The following KIF26B variants were observed in gnomAD, a reference collection of about 807,000 sequenced individuals.
KIF26B encodes the protein kinesin family member 26B, also known as kinesin-like protein KIF26B.
A neutral mutation model predicts 151.2 loss-of-function variants in KIF26B; 63 were observed. The ratio of observed to expected loss-of-function variants is 0.42; its 90% CI spans 0.34 to 0.51. KIF26B has a LOEUF of 0.51. Among genes scored for constraint, KIF26B ranks in the 20% least tolerant of loss-of-function variants. The pLI is 0.07. For missense variants in KIF26B, 2,813 were observed against 2,913.6 expected (o/e 0.97, Z 0.79); for synonymous variants, 1,357 against 1,262.1 (o/e 1.08, Z -1.59).
intron 4 of KIF26B, among the ~76,000 whole-genome samples, chr1:245,532,298 T>C (rs529082620): frequency 9.0e-5 from 13 of 144,998 alleles, no homozygotes; most frequent in East Asian, 3.9e-4. Flanking sequence ...CAGGCTGGAG[T>C]GCAGTGGCGC....
At chr1:245,256,882 C>G (rs1670546732) in intron 2 of KIF26B, among the ~76,000 whole-genome samples, 1 of 152,158 alleles carries the variant, frequency 6.6e-6, no homozygotes, top group African/African-American at 2.4e-5. Context: ...TTGAAATGTC[C>G]CTGCAAAGCT....
At position 245,555,149 on chromosome 1, in the gene KIF26B, AG is replaced by A. The variant is rs368302529; in HGVS notation, c.1350+14201del. On this transcript the variant is annotated intron_variant, in intron 5 of 14. Transcript: ENST00000407071. ...TCTTTGAGAATGCCCCTGTTAAGAT[AG>A]GTGAGAAGCACCAGGGGTAGGCGAG... Among the ~76,000 whole-genome samples the A allele has an allele frequency of 9.9e-3, 1,502 of 152,278 alleles. 9 individuals carry two copies. The highest frequency in any genetic ancestry group is 0.013 in the Non-Finnish European group (885 of 68,024).
At chr1:245,297,080 C>T (rs1185765062) in intron 2 of KIF26B, among the ~76,000 whole-genome samples, 2 of 130,446 alleles carry the variant, frequency 1.5e-5, no homozygotes, top group Non-Finnish European at 3.2e-5. Flanking sequence ...TGGTGGCTCA[C>T]GCCTGTAATC....
Position 245,415,833 on chromosome 1 carries a change from T to C in KIF26B, c.1000-3746T>C, listed in dbSNP as rs1213110777. On this transcript the variant is annotated intron_variant, in intron 3 of 14. Transcript: ENST00000407071. ...TGACATATACCAAGCACCCAACACA[T>C]GGTTGTTCATACGAATGAATGAACA... 2.0e-5 allele frequency among the ~76,000 whole-genome samples: 3 copies of C among 149,856 alleles called. No individual in the cohort carries two copies. The Admixed American group carries it at 2.0e-4, about 10-fold the overall frequency.
Position 245,512,416 on chromosome 1 carries a change from A to G in KIF26B, c.1167-28351A>G, listed in dbSNP as rs74597638. Among the ~76,000 whole-genome samples, 221 of 152,312 alleles carry G rather than the reference A, an allele frequency of 1.5e-3. 1 individual carries two copies. The East Asian group carries it at 0.031, about 21-fold the overall frequency. On this transcript the variant is annotated intron_variant, in intron 4 of 14. Coordinates refer to ENST00000407071, the MANE Select transcript of KIF26B (RefSeq NM_018012.4). This position sits in a 1 kb window ranked among gnomAD's most constrained non-coding sequence, Gnocchi z 4.3. ...TGTGAAGCAACATGCAGGGCTGCCA[A>G]TTTTGGAAATGAATGAGCTTAGTTG...
chr1:245,220,169 A>G (rs769032264), intron 2 of KIF26B, among the ~76,000 whole-genome samples: 9 of 152,172 alleles, frequency 5.9e-5, no homozygotes, highest in Non-Finnish European at 1.3e-4. Context: ...GGAACAGAAA[A>G]TCAGAGGAAC....
intron 2 of KIF26B, among the ~76,000 whole-genome samples, chr1:245,360,121 C>T (rs59025886): frequency 0.052 from 7,873 of 151,978 alleles, 507 homozygotes; most frequent in East Asian, 0.24. Flanking sequence ...GATCCACCCA[C>T]CTTGACCTCC....
intron 2 of KIF26B, among the ~76,000 whole-genome samples, chr1:245,294,481 G>A (rs1328239168): frequency 6.6e-6 from 1 of 152,118 alleles, no homozygotes; most frequent in Non-Finnish European, 1.5e-5. Flanking sequence ...GTCTTCCTAA[G>A]GAGTCAAAGT....
chr1:245,192,074 A>G (rs1363415123), intron 2 of KIF26B, among the ~76,000 whole-genome samples: 1 of 152,218 alleles, frequency 6.6e-6, no homozygotes, highest in Non-Finnish European at 1.5e-5. Context: ...AACTACCAGG[A>G]TTAATGCACA....
intron 2 of KIF26B, among the ~76,000 whole-genome samples, chr1:245,177,969 C>T (rs1668839634): frequency 6.6e-6 from 1 of 152,106 alleles, no homozygotes; most frequent in Non-Finnish European, 1.5e-5. Flanking sequence ...TGGGGTTAGC[C>T]TCCACGTAGG....
Position 245,167,512 on chromosome 1 carries a change from G to A in KIF26B, c.465+10829G>A, listed in dbSNP as rs1297725617. On this transcript the variant is annotated intron_variant, in intron 2 of 14. Transcript: ENST00000407071. The surrounding 1 kb of genome is among the most constrained non-coding windows in gnomAD (Gnocchi z 4.2). ...CCAACCCTTCCTCCACCTAACTGGT[G>A]GCTTCACACAAGAATGGGAGACTCA... is the stretch of plus-strand genomic sequence containing the variant. Among the ~76,000 whole-genome samples the A allele has an allele frequency of 6.6e-6, 1 of 152,166 alleles. No homozygotes were observed. The highest frequency in any genetic ancestry group is 2.4e-5 in the African/African-American group (1 of 41,422).
In KIF26B at chr1:245,698,994, C is replaced by T; in HGVS notation, c.6135C>T (p.Thr2045=). The T allele has an allele frequency of 6.2e-7, 1 of 1,614,012 alleles. No homozygotes were observed. The highest frequency in any genetic ancestry group is 8.5e-7 in the Non-Finnish European group (1 of 1,179,884). Residue 2045 remains threonine, a synonymous_variant, in exon 14 of 15, where the codon ACC becomes ACT. Coordinates refer to ENST00000407071, the MANE Select transcript of KIF26B (RefSeq NM_018012.4). This position sits in a 1 kb window ranked among gnomAD's most constrained non-coding sequence, Gnocchi z 4.0. ...YEWLMKELEA[T]KQYLMLDPNK... ...GGCTGATGAAGGAGCTGGAGGCGAC[C>T]AAACAGTATCTGATGCTGGATCCCA...
In KIF26B at chr1:245,688,657, A is replaced by T; in HGVS notation, c.5674A>T (p.Ser1892Cys). 1 of 1,603,792 alleles carries T rather than the reference A, an allele frequency of 6.2e-7. No homozygotes were observed. The highest frequency in any genetic ancestry group is 8.5e-7 in the Non-Finnish European group (1 of 1,176,614). ...GGGGAAGACGGCCCTGTTCTACCACAGCGGCGGCAGCAGCGGCTACGAGAG... is the reference window on the plus strand; with the variant it reads ...GGGGAAGACGGCCCTGTTCTACCACTGCGGCGGCAGCAGCGGCTACGAGAG... ...AMGKTALFYH[S>C]GGSSGYESVM... Residue 1892 changes from serine (S) to cysteine (C), a missense_variant, in exon 12 of 15, where the codon AGC becomes TGC. Physicochemically the swap from Ser to Cys is moderately radical, Grantham distance 112. Coordinates refer to ENST00000407071, the MANE Select transcript of KIF26B (RefSeq NM_018012.4).
intron 2 of KIF26B, among the ~76,000 whole-genome samples, chr1:245,181,165 C>A (rs1668899998): frequency 6.6e-6 from 1 of 152,058 alleles, no homozygotes; most frequent in South Asian, 2.1e-4. Flanking sequence ...CCCTTGAAAT[C>A]ACTTTTGTGC....
Position 245,685,935 on chromosome 1 carries a change from C to T in KIF26B, c.2952C>T (p.Ser984=), listed in dbSNP as rs750145452. 81 of 1,611,270 alleles carry T rather than the reference C, an allele frequency of 5.0e-5. No individual in the cohort carries two copies. The East Asian group carries it at 1.1e-3, about 21-fold the overall frequency. ...AGTCTGATAAGGAAGATAATGGGTC[C>T]GAAGGTCAGCTGACCAACAGAGAAG... ...LSESDKEDNG[S]EGQLTNREGP... is the part of the protein sequence containing the mutation. The change falls in exon 12 of 15, where the codon TCC becomes TCT. Residue 984 remains serine, a synonymous_variant. Transcript: ENST00000407071.
intron 9 of KIF26B, among the ~76,000 whole-genome samples, chr1:245,613,151 C>T (rs1402482896): frequency 1.3e-5 from 2 of 152,154 alleles, no homozygotes; most frequent in African/African-American, 2.4e-5. Context: ...GCAACTGGCT[C>T]CCAGCGCTTT....
intron 2 of KIF26B, among the ~76,000 whole-genome samples, chr1:245,338,776 C>T (rs1672282686): frequency 6.6e-6 from 1 of 152,126 alleles, no homozygotes; most frequent in African/African-American, 2.4e-5. Flanking sequence ...TCAGAAGCCT[C>T]CCTGTACATT....
chr1:245,229,849 C>G (rs1669954950), intron 2 of KIF26B, among the ~76,000 whole-genome samples: 1 of 152,144 alleles, frequency 6.6e-6, no homozygotes, highest in East Asian at 1.9e-4. Flanking sequence ...TAAAACCACT[C>G]AGAGGCCGGG....
chr1:245,651,999 G>A (rs1255600419), intron 10 of KIF26B, among the ~76,000 whole-genome samples: 5 of 152,000 alleles, frequency 3.3e-5, no homozygotes, highest in African/African-American at 4.8e-5. Context: ...TTACTTAGAC[G>A]TACCATGAAA....
Sources: gnomAD v4.1 joint callset for allele counts (sites outside exome capture counted in the v4.1 genomes callset) on GRCh38, gnomAD v4.1.1 for gene constraint, Gnocchi (gnomAD v3.1) non-coding constraint, MANE v1.5 for transcripts, NCBI Gene and HGNC (gene_info 2026-07-23, HGNC 2026-07-21) for gene names.